The following FAM20C variants were observed in gnomAD, a reference collection of about 807,000 sequenced individuals.
The protein encoded by FAM20C is extracellular serine/threonine protein kinase FAM20C.
A neutral mutation model predicts 51.5 loss-of-function variants in FAM20C; 40 were observed. The ratio of observed to expected loss-of-function variants is 0.78; its 90% CI spans 0.60 to 1.01. FAM20C has a LOEUF of 1.01. FAM20C is among the 50% of genes least tolerant of loss of function. The pLI, the probability that FAM20C is intolerant of heterozygous loss-of-function variation, is 0.00. For missense variants in FAM20C, 861 were observed against 844.7 expected, an observed-to-expected ratio of 1.02 and a Z score of -0.24; for synonymous variants, 406 against 380.6, an observed-to-expected ratio of 1.07 and a Z score of -0.78.
intron 1 of FAM20C, among the ~76,000 whole-genome samples, chr7:194,368 G>A (rs57050245): frequency 0.032 from 4,922 of 152,112 alleles, 229 homozygotes; most frequent in African/African-American, 0.1. Context: ...GAGAAGCCAC[G>A]GCAGGAACCT....
chr7:257,963 GA>G (rs368502800), intron 8 of FAM20C, among the ~76,000 whole-genome samples: 4,230 of 34,610 alleles, frequency 0.12, 971 homozygotes, highest in Middle Eastern at 0.2. Context: ...CCCACTGCCT[GA>G]GGTGCTGGAG....
At position 193,785 on chromosome 7, in the gene FAM20C, G is replaced by A; in HGVS notation, c.586G>A (p.Ala196Thr). The change falls in exon 1 of 10, where the codon GCG becomes ACG. Residue 196 changes from alanine (A) to threonine (T), a missense_variant. Coordinates refer to ENST00000313766, the MANE Select transcript of FAM20C (RefSeq NM_020223.4). Reference protein sequence around the residue: ...VNSDTRLSPKAAENPDWPHAG... With the variant: ...VNSDTRLSPKTAENPDWPHAG... Reference sequence around the variant, plus strand: ...CAGCGACACCAGGCTCAGCCCCAAAGCGGCGGAGAACCCGGACTGGTGAGT... The same window carrying A: ...CAGCGACACCAGGCTCAGCCCCAAAACGGCGGAGAACCCGGACTGGTGAGT... 6.4e-7 allele frequency: 1 copy of A among 1,554,554 alleles called. No homozygotes were observed. Among genetic ancestry groups the A allele is most frequent in the Non-Finnish European group, 8.7e-7 (1 of 1,149,444 alleles).
Position 193,492 on chromosome 7 carries a change from C to G in FAM20C, c.293C>G (p.Pro98Arg), listed in dbSNP as rs1229447918. 4 of 1,502,722 alleles carry G rather than the reference C, an allele frequency of 2.7e-6. No individual in the cohort carries two copies. The Admixed American group carries it at 6.4e-5, about 24-fold the overall frequency. The allele number at this position is 1,502,722 out of a possible 1,614,324, so 93.1% of individuals were successfully genotyped here. Reference protein sequence around the residue: ...LRILQDFSSDPSSNLSSHSLE... With the variant: ...LRILQDFSSDRSSNLSSHSLE... ...ATCCTGCAGGACTTCAGCTCCGACC[C>G]CTCCTCCAACCTCTCGTCCCACTCG... Residue 98 changes from proline (P) to arginine (R), a missense_variant, in exon 1 of 10, where the codon CCC becomes CGC. By Grantham distance (103) the Pro-to-Arg change is moderately radical. Coordinates refer to ENST00000313766, the MANE Select transcript of FAM20C (RefSeq NM_020223.4).
chr7:247,426 G>A lies in FAM20C; in HGVS notation c.957-889G>A, dbSNP rs530617634. 2.2e-4 allele frequency among the ~76,000 whole-genome samples: 33 copies of A among 152,312 alleles called. No individual in the cohort carries two copies. The South Asian group carries it at 6.4e-3, about 30-fold the overall frequency. ...ACGGCCCTGACACGTCCCAGCCTGGGGTGCGGCCCCAGGGCCGGCAGCATT... is the reference window on the plus strand; with the variant it reads ...ACGGCCCTGACACGTCCCAGCCTGGAGTGCGGCCCCAGGGCCGGCAGCATT... On this transcript the variant is annotated intron_variant, in intron 4 of 9. Coordinates refer to ENST00000313766, the MANE Select transcript of FAM20C (RefSeq NM_020223.4).
intron 2 of FAM20C, among the ~76,000 whole-genome samples, chr7:204,258 G>A (rs754868318): frequency 1.4e-4 from 21 of 152,230 alleles, no homozygotes; most frequent in Non-Finnish European, 2.9e-4. Flanking sequence ...GATGGAGCCC[G>A]TTTACGGAGC....
In FAM20C at chr7:193,128, G is replaced by T. The variant is rs1247310992; in HGVS notation, c.-72G>T. 3.8e-6 allele frequency: 5 copies of T among 1,320,090 alleles called. No homozygotes were observed. The highest frequency in any genetic ancestry group is 4.9e-6 in the Non-Finnish European group (5 of 1,020,456). The allele number at this position is 1,320,090 out of a possible 1,614,324, so 81.8% of individuals were successfully genotyped here. ...ACCTTGACCCGCGAGGCGGCGCCGC[G>T]CTCGTGCCCAGCTGCAGCTAGAGGG... On this transcript the variant is annotated 5_prime_UTR_variant, in exon 1 of 10. Coordinates refer to ENST00000313766, the MANE Select transcript of FAM20C (RefSeq NM_020223.4).
chr7:251,154 C>T (rs906017084), intron 5 of FAM20C, among the ~76,000 whole-genome samples: 10 of 150,522 alleles, frequency 6.6e-5, no homozygotes, highest in Non-Finnish European at 1.3e-4. Flanking sequence ...ACTGAGTGGC[C>T]GGGCACGGCG....
Position 256,736 on chromosome 7 carries a change from GA to G in FAM20C, c.1337del (p.Asp446AlafsTer2). 1 of 1,536,160 alleles carries G rather than the reference GA, an allele frequency of 6.5e-7. No individual in the cohort carries two copies. Among genetic ancestry groups the G allele is most frequent in the Non-Finnish European group, 8.7e-7 (1 of 1,146,788 alleles). ...CAGCCACCGCATCCTGGACGTCATG[GA>G]CATGACGATCTTCGACTTCCTCATG... ...DSSHRILDVM[D>X]MTIFDFLMGN... On this transcript the variant is annotated frameshift_variant, in exon 7 of 10. Coordinates refer to ENST00000313766, the MANE Select transcript of FAM20C (RefSeq NM_020223.4). LOFTEE classifies it high-confidence loss of function.
chr7:233,400 G>A (rs899943619), intron 3 of FAM20C, among the ~76,000 whole-genome samples: 1 of 152,172 alleles, frequency 6.6e-6, no homozygotes, highest in African/African-American at 2.4e-5. Context: ...CCCTGCCTTC[G>A]TGTGGCTGGG....
intron 5 of FAM20C, among the ~76,000 whole-genome samples, chr7:250,090 T>A (rs145548418): frequency 0.054 from 8,255 of 152,282 alleles, 277 homozygotes; most frequent in Non-Finnish European, 0.082. Context: ...GTTTAATTCA[T>A]GCAGATAAAA....
chr7:234,519 G>A (rs1297464212), intron 3 of FAM20C, among the ~76,000 whole-genome samples: 2 of 152,164 alleles, frequency 1.3e-5, no homozygotes, highest in Non-Finnish European at 2.9e-5. Context: ...TTCTGGGGCC[G>A]CAGGCTGTGG....
At chr7:244,773 G>A (rs1395821203) in intron 3 of FAM20C, among the ~76,000 whole-genome samples, 2 of 152,220 alleles carry the variant, frequency 1.3e-5, no homozygotes, top group East Asian at 1.9e-4. Context: ...CTGGCCTTGC[G>A]CCTACCCAGG....
chr7:209,336 G>T (rs746365856), intron 3 of FAM20C, among the ~76,000 whole-genome samples: 8 of 152,188 alleles, frequency 5.3e-5, no homozygotes, highest in Non-Finnish European at 1.2e-4. Flanking sequence ...TCCGGAGCCC[G>T]CACACCTTTG....
In FAM20C at chr7:260,468, G is replaced by T. The variant is rs1788834791; in HGVS notation, c.*488G>T. ...CTTCCTGGGGCCTCGGCTCCTGGAG[G>T]GCTGGAGGGTCTCGTCTGAGGACGG... is the stretch of plus-strand genomic sequence containing the variant. On this transcript the variant is annotated 3_prime_UTR_variant, in exon 10 of 10. Coordinates refer to ENST00000313766, the MANE Select transcript of FAM20C (RefSeq NM_020223.4). 6.6e-6 allele frequency: 1 copy of T among 152,650 alleles called. No individual in the cohort carries two copies. Among genetic ancestry groups the T allele is most frequent in the Non-Finnish European group, 1.5e-5 (1 of 68,354 alleles). The allele number at this position is 152,650 out of a possible 1,614,324, so 9.5% of individuals were successfully genotyped here.
chr7:213,449 A>G (rs945200492), intron 3 of FAM20C, among the ~76,000 whole-genome samples: 17 of 152,184 alleles, frequency 1.1e-4, no homozygotes, highest in Non-Finnish European at 1.8e-4. Flanking sequence ...CCGGCATTGC[A>G]TAGTCCTTTG....
chr7:193,845 T>C, intron 1 of FAM20C, 41 bp downstream of exon 1: 4 of 1,541,756 alleles, frequency 2.6e-6, no homozygotes, highest in South Asian at 1.2e-5. Context: ...AAGGGAGCCG[T>C]GAGCCCAAGG....
intron 5 of FAM20C, among the ~76,000 whole-genome samples, chr7:252,993 T>C (rs1318958113): frequency 6.6e-6 from 1 of 152,238 alleles, no homozygotes; most frequent in Non-Finnish European, 1.5e-5. Context: ...CCTCAGCAGC[T>C]CCGGAAGCCA....
At chr7:224,245 A>G in intron 3 of FAM20C, among the ~76,000 whole-genome samples, 1 of 95,090 alleles carries the variant, frequency 1.1e-5, no homozygotes, top group African/African-American at 3.9e-5. Flanking sequence ...GCAGAACGGC[A>G]CTGTCACGGG....
chr7:201,722 G>T (rs1215895920), intron 2 of FAM20C, among the ~76,000 whole-genome samples: 1 of 152,210 alleles, frequency 6.6e-6, no homozygotes. Context: ...CATAAGAAAT[G>T]CCAGCATCTC....
Sources: gnomAD v4.1 joint callset for allele counts (sites outside exome capture counted in the v4.1 genomes callset) on GRCh38, gnomAD v4.1.1 for gene constraint, MANE v1.5 for transcripts, NCBI Gene and HGNC (gene_info 2026-07-23, HGNC 2026-07-21) for gene names.